MYBBP1A: variants seen among roughly 807,000 people sequenced by gnomAD.
MYBBP1A encodes the protein MYB binding protein 1a, also known as myb-binding protein 1A.
Under a neutral mutation model 136.3 loss-of-function variants are expected in MYBBP1A, and 147 were observed. That is an observed-to-expected ratio of 1.08 (90% CI 0.94 to 1.24). The LOEUF (loss-of-function observed/expected upper bound fraction) is 1.24. MYBBP1A is among the 50% of genes most tolerant of loss of function. The probability of loss-of-function intolerance (pLI) is 0.00; values close to 1 mark genes in which losing one functional copy is unlikely to be tolerated. For missense variants in MYBBP1A, 2,060 were observed against 1,727.4 expected, an observed-to-expected ratio of 1.19 and a Z score of -3.41; for synonymous variants, 947 against 735.8, an observed-to-expected ratio of 1.29 and a Z score of -4.65.
rs146011696 is a variant in MYBBP1A, at chr17:4,540,238, G to A, written c.3434+110C>T. 1.8e-4 allele frequency: 241 copies of A among 1,363,840 alleles called. 1 individual carries two copies. The African/African-American group carries it at 3.1e-3, about 18-fold the overall frequency. 84.5% of individuals were successfully genotyped at this position (1,363,840 alleles called of 1,614,324 possible). On this transcript the variant is annotated intron_variant, in intron 25 of 25. Transcript: ENST00000254718. ...AGTGCATGTGTGTGCAGCAGCATGC[G>A]TGTGCAGTGTGCGTGTGCAGCAGCG...
rs999665788 is a variant in MYBBP1A, at chr17:4,544,630, T to TCCA, written c.2495_2497dup (p.Val832dup). The TCCA allele has an allele frequency of 4.4e-6, 7 of 1,579,142 alleles. No individual in the cohort carries two copies. Among genetic ancestry groups the TCCA allele is most frequent in the Non-Finnish European group, 4.3e-6 (5 of 1,163,504 alleles). On this transcript the variant is annotated inframe_insertion, in exon 19 of 26. Transcript: ENST00000254718. ...CTCGGGCTGCTTGGTCACTAGCACC[T>TCCA]CCACCAGGTCCAGCACCTGCAGCCA...
chr17:4,542,556 T>C, intron 21 of MYBBP1A, 24 bp from the exon 22 acceptor site: 2 of 1,612,364 alleles, frequency 1.2e-6, no homozygotes, highest in Non-Finnish European at 8.5e-7. Context: ...ACAAGGGCTG[T>C]GAGGTGCAGG....
rs1567600282 is a variant in MYBBP1A at position 4,538,913 on chromosome 17, C to A, written c.*502G>T. The stretch of plus-strand genomic sequence containing the variant: ...GAACCAGGTCCGAGTGTTGCCTCCT[C>A]TTCCTTCCGGAAGCCAAACTGCTCC... On this transcript the variant is annotated 3_prime_UTR_variant, in exon 26 of 26. Transcript: ENST00000254718. The A allele has an allele frequency of 1.3e-6, 1 of 782,008 alleles. No homozygotes were observed. Among genetic ancestry groups the A allele is most frequent in the Admixed American group, 1.7e-5 (1 of 59,010 alleles). The allele number at this position is 782,008 out of a possible 1,614,324, so 48.4% of individuals were successfully genotyped here.
chr17:4,551,265 G>A (rs780355742), intron 8 of MYBBP1A, among the ~76,000 whole-genome samples: 6 of 152,236 alleles, frequency 3.9e-5, no homozygotes, highest in Non-Finnish European at 8.8e-5. Flanking sequence ...AGCACTTACT[G>A]GGCACCAGGC....
At chr17:4,551,822 A>G (rs1023824735) in intron 8 of MYBBP1A, 58 bp downstream of exon 8, 18 of 1,504,960 alleles carry the variant, frequency 1.2e-5, no homozygotes, top group South Asian at 2.3e-5. Context: ...CCTTTTTGGC[A>G]GGGAGAGCTC....
At chr17:4,543,880 C>G (rs1367944004) in intron 19 of MYBBP1A, among the ~76,000 whole-genome samples, 3 of 148,360 alleles carry the variant, frequency 2.0e-5, no homozygotes, top group African/African-American at 5.1e-5. Context: ...AAACCAGACT[C>G]AGACCCTTCC....
chr17:4,549,535 G>C, intron 9 of MYBBP1A, 93 bp from the exon 10 acceptor site: 5 of 1,131,648 alleles, frequency 4.4e-6, no homozygotes, highest in Middle Eastern at 4.0e-4. Flanking sequence ...CCAGCACTTT[G>C]GGAGGCCAAG....
At position 4,542,965 on chromosome 17, in the gene MYBBP1A, T is replaced by G; in HGVS notation, c.2840A>C (p.Gln947Pro). 6.2e-7 allele frequency: 1 copy of G among 1,614,052 alleles called. No homozygotes were observed. The highest frequency in any genetic ancestry group is 8.5e-7 in the Non-Finnish European group (1 of 1,179,988). ...NTAEGCVHET[Q>P]EKQKAGTDPS... ...GTCAGTGCCAGCTTTCTGCTTCTCC[T>G]GTGTCTCATGCACGCAGCCCTCAGC... The change falls in exon 20 of 26, where the codon CAG becomes CCG. Residue 947 changes from glutamine to proline, a missense_variant. Coordinates refer to ENST00000254718, the MANE Select transcript of MYBBP1A (RefSeq NM_014520.4).
rs112162201 is a variant in MYBBP1A, at chr17:4,545,801, G to A, written c.1922-40C>T. 208 of 1,609,192 alleles carry A rather than the reference G, an allele frequency of 1.3e-4. 1 individual carries two copies. The Middle Eastern group carries it at 1.5e-3, about 12-fold the overall frequency. ...GGTTGAGCCCGGATAGGGGACCGCTGGCCCCACCCCACCACTCTAGTCCCT... is the reference window on the plus strand; with the variant it reads ...GGTTGAGCCCGGATAGGGGACCGCTAGCCCCACCCCACCACTCTAGTCCCT... On this transcript the variant is annotated intron_variant, in intron 14 of 25. Transcript: ENST00000254718.
At chr17:4,541,266 C>G (rs1468843557) in intron 24 of MYBBP1A, among the ~76,000 whole-genome samples, 197 bp downstream of exon 24, 3 of 152,272 alleles carry the variant, frequency 2.0e-5, no homozygotes, top group Admixed American at 2.0e-4. Flanking sequence ...TGGCACAGTC[C>G]CTTCCCAAGT....
Position 4,555,235 on chromosome 17 carries a change from C to T in MYBBP1A, c.90G>A (p.Lys30=). 2 of 1,612,426 alleles carry T rather than the reference C, an allele frequency of 1.2e-6. No individual in the cohort carries two copies. Among genetic ancestry groups the T allele is most frequent in the South Asian group, 1.1e-5 (1 of 90,920 alleles). The change falls in exon 1 of 26, where the codon AAG becomes AAA. Residue 30 remains lysine (K), a synonymous_variant. Coordinates refer to ENST00000254718, the MANE Select transcript of MYBBP1A (RefSeq NM_014520.4). ...ARPADRYGLL[K]HSREFLDFFW... ...AGAAGTCCAAGAACTCGCGACTGTG[C>T]TTCAATAGGCCATAGCGGTCGGCAG...
At position 4,539,231 on chromosome 17, in the gene MYBBP1A, T is replaced by G; in HGVS notation, c.*184A>C. On this transcript the variant is annotated 3_prime_UTR_variant, in exon 26 of 26. Transcript: ENST00000254718. ...GGAGGTCTCTGCACCCTGGGACCCC[T>G]GCAGGAATGGCTCAGGCTGTGCTTG... 6.8e-7 allele frequency: 1 copy of G among 1,468,858 alleles called. No individual in the cohort carries two copies. Among genetic ancestry groups the G allele is most frequent in the Non-Finnish European group, 8.9e-7 (1 of 1,121,304 alleles). The allele number at this position is 1,468,858 out of a possible 1,614,324, so 91.0% of individuals were successfully genotyped here. A position where few individuals can be genotyped will look rare whatever the true frequency, so the allele number is the denominator to read the frequency against.
In MYBBP1A at chr17:4,548,924, G is replaced by A. The variant is rs751517353; in HGVS notation, c.1431-275C>T. ...TGCCCCTCTCAAGGAACCAACAGAT[G>A]GGAGGCTGTGTGGTCATGGCCAAGT... On this transcript the variant is annotated intron_variant, in intron 10 of 25. Transcript: ENST00000254718. This position sits in a 1 kb window ranked among gnomAD's most constrained non-coding sequence, Gnocchi z 4.2. 2.6e-5 allele frequency among the ~76,000 whole-genome samples: 4 copies of A among 152,246 alleles called. No individual in the cohort carries two copies. Among genetic ancestry groups the A allele is most frequent in the African/African-American group, 7.2e-5 (3 of 41,458 alleles).
At chr17:4,540,251 G>A (rs139863639) in intron 25 of MYBBP1A, 97 bp downstream of exon 25, 467 of 1,437,996 alleles carry the variant, frequency 3.2e-4, no homozygotes, top group African/African-American at 2.4e-3. Context: ...TGCAGTGTGC[G>A]TGTGCAGCAG....
Position 4,539,095 on chromosome 17 carries a change from A to G in MYBBP1A, c.*320T>C. 1 of 1,488,292 alleles carries G rather than the reference A, an allele frequency of 6.7e-7. No individual in the cohort carries two copies. The highest frequency in any genetic ancestry group is 9.2e-7 in the Non-Finnish European group (1 of 1,088,234). 92.2% of individuals were successfully genotyped at this position (1,488,292 alleles called of 1,614,324 possible). A position where few individuals can be genotyped will look rare whatever the true frequency, so the allele number is the denominator to read the frequency against. On this transcript the variant is annotated 3_prime_UTR_variant, in exon 26 of 26. Transcript: ENST00000254718. ...GGGGCAAAGAGGTGGCAGGCACGAG[A>G]GATGGTCACACCTGCCTGCAGCCAG...
chr17:4,551,353 G>C (rs1249554098), intron 8 of MYBBP1A, among the ~76,000 whole-genome samples: 2 of 152,240 alleles, frequency 1.3e-5, no homozygotes, highest in Admixed American at 6.5e-5. Context: ...GGTCTGAACA[G>C]CCCGCTGGCT....
At position 4,548,005 on chromosome 17, in the gene MYBBP1A, C is replaced by T; in HGVS notation, c.1777G>A (p.Ala593Thr). 6.5e-7 allele frequency: 1 copy of T among 1,537,070 alleles called. No homozygotes were observed. Among genetic ancestry groups the T allele is most frequent in the Non-Finnish European group, 8.8e-7 (1 of 1,139,142 alleles). The change falls in exon 13 of 26, where the codon GCT becomes ACT. Residue 593 changes from alanine to threonine, a missense_variant. Coordinates refer to ENST00000254718, the MANE Select transcript of MYBBP1A (RefSeq NM_014520.4). The surrounding 1 kb of genome is among the most constrained non-coding windows in gnomAD (Gnocchi z 4.2). ...LEAHSAEARA[A>T]AFQHLLLLVG... Reference sequence around the variant, plus strand: ...AGGAGCAGAAGGTGCTGGAAGGCAGCAGCCCTGGCCTCTGCGGAGTGGGCC... The same window carrying T: ...AGGAGCAGAAGGTGCTGGAAGGCAGTAGCCCTGGCCTCTGCGGAGTGGGCC...
At chr17:4,546,573 C>A (rs1907032083) in intron 13 of MYBBP1A, among the ~76,000 whole-genome samples, 1 of 152,202 alleles carries the variant, frequency 6.6e-6, no homozygotes, top group Admixed American at 6.5e-5. Context: ...GCCCCAGCCC[C>A]CAATTCATAA....
intron 19 of MYBBP1A, 98 bp from the exon 20 acceptor site, chr17:4,543,263 C>T: frequency 6.9e-7 from 1 of 1,446,788 alleles, no homozygotes; most frequent in Non-Finnish European, 9.1e-7. Context: ...AGTGGGGAAA[C>T]AGACCTAGAA....
Sources: allele counts gnomAD v4.1 joint callset (sites outside exome capture counted in the v4.1 genomes callset), GRCh38; gene constraint gnomAD v4.1.1; non-coding constraint Gnocchi (gnomAD v3.1); transcripts MANE v1.5; gene names NCBI Gene and HGNC (gene_info 2026-07-23, HGNC 2026-07-21).